Variants in MC2R observed in about 807,000 individuals in gnomAD.
The protein encoded by MC2R is melanocortin 2 receptor.
MC2R carries 9 observed loss-of-function variants against 9.8 expected under a neutral mutation model. The observed-to-expected ratio is 0.92, with a 90% CI of 0.55 to 1.60. MC2R has a LOEUF of 1.60. Among genes scored for constraint, MC2R ranks in the 40% most tolerant of loss-of-function variants. MC2R has a pLI of 0.00. For synonymous variants in MC2R, 185 were observed against 154.7 expected, an observed-to-expected ratio of 1.20 and a Z score of -1.45; for missense variants, 370 against 389.0, an observed-to-expected ratio of 0.95 and a Z score of 0.41.
At position 13,884,586 on chromosome 18, in the gene MC2R, C is replaced by T. The variant is rs369719365; in HGVS notation, c.*39G>A. On this transcript the variant is annotated 3_prime_UTR_variant, in exon 2 of 2. Transcript: ENST00000327606. ...GTTACACTATTCTGGCACTTGGCAACGTTATTCCCATGGATTCTAAAACCA... is the reference window on the plus strand; with the variant it reads ...GTTACACTATTCTGGCACTTGGCAATGTTATTCCCATGGATTCTAAAACCA... The T allele has an allele frequency of 1.1e-5, 17 of 1,604,178 alleles. No individual in the cohort carries two copies. The highest frequency in any genetic ancestry group is 6.7e-5 in the African/African-American group (5 of 74,782).
At chr18:13,900,630 A>T (rs2045373323) in intron 1 of MC2R, among the ~76,000 whole-genome samples, 1 of 152,162 alleles carries the variant, frequency 6.6e-6, no homozygotes, top group Non-Finnish European at 1.5e-5. Context: ...AATAAATTTC[A>T]AGACAAAACT....
chr18:13,893,488 T>C (rs1041151903), intron 1 of MC2R, among the ~76,000 whole-genome samples: 1 of 152,330 alleles, frequency 6.6e-6, no homozygotes, highest in South Asian at 2.1e-4. Flanking sequence ...GCTCATCAGG[T>C]TGTGCTGCTA....
In MC2R at chr18:13,885,231, G is replaced by A; in HGVS notation, c.288C>T (p.Gly96=). 6.2e-7 allele frequency: 1 copy of A among 1,614,150 alleles called. No homozygotes were observed. The highest frequency in any genetic ancestry group is 8.5e-7 in the Non-Finnish European group (1 of 1,180,028). Residue 96 remains glycine, a synonymous_variant, in exon 2 of 2, where the codon GGC becomes GGT. Coordinates refer to ENST00000327606, the MANE Select transcript of MC2R (RefSeq NM_000529.2). Reference sequence around the variant, plus strand: ...TGTCATCGGCTGTGGTTTCAAAACTGCCACGTGGCTTGAGATAGCCCATGT... The same window carrying A: ...TGTCATCGGCTGTGGTTTCAAAACTACCACGTGGCTTGAGATAGCCCATGT... ...LRNMGYLKPR[G]SFETTADDII...
At chr18:13,913,038 A>G (rs1046601844) in intron 1 of MC2R, among the ~76,000 whole-genome samples, 1 of 152,186 alleles carries the variant, frequency 6.6e-6, no homozygotes, top group Non-Finnish European at 1.5e-5. Flanking sequence ...ACTGCTGCTT[A>G]CAGTATAATT....
At chr18:13,893,292 T>G (rs1304163291) in intron 1 of MC2R, among the ~76,000 whole-genome samples, 1 of 152,218 alleles carries the variant, frequency 6.6e-6, no homozygotes, top group Admixed American at 6.5e-5. Flanking sequence ...GCGAGATGGC[T>G]AATATGGAAG....
At chr18:13,906,826 T>G (rs1315458871) in intron 1 of MC2R, among the ~76,000 whole-genome samples, 1 of 152,026 alleles carries the variant, frequency 6.6e-6, no homozygotes, top group Admixed American at 6.5e-5. Flanking sequence ...ACCAAAGAAG[T>G]GAAAGATCTC....
intron 1 of MC2R, 140 bp downstream of exon 1, chr18:13,915,348 A>T (rs1373954637): frequency 2.0e-5 from 3 of 152,408 alleles, no homozygotes; most frequent in African/African-American, 7.2e-5. Flanking sequence ...TCCCTTAGGA[A>T]GGATGAAAGC....
In MC2R at chr18:13,882,235, G is replaced by T. The variant is rs762644100; in HGVS notation, c.*2390C>A. The T allele has an allele frequency of 7.2e-5, 11 of 152,208 alleles. No individual in the cohort carries two copies. Among genetic ancestry groups the T allele is most frequent in the Non-Finnish European group, 1.0e-4 (7 of 68,048 alleles). 9.4% of individuals were successfully genotyped at this position (152,208 alleles called of 1,614,324 possible). ...TCCTCATGGGAAAAGTCTGAAGCTT[G>T]TTGATCTTCCTCACACAAATATGTG... On this transcript the variant is annotated 3_prime_UTR_variant, in exon 2 of 2. Transcript: ENST00000327606.
At chr18:13,892,274 G>A (rs2045319533) in intron 1 of MC2R, among the ~76,000 whole-genome samples, 1 of 152,206 alleles carries the variant, frequency 6.6e-6, no homozygotes, top group African/African-American at 2.4e-5. Flanking sequence ...CCTCTGAAAG[G>A]GGAAGAGTTA....
At chr18:13,885,973 A>G (rs2045273886) in intron 1 of MC2R, among the ~76,000 whole-genome samples, 1 of 152,154 alleles carries the variant, frequency 6.6e-6, no homozygotes, top group Admixed American at 6.5e-5. Flanking sequence ...GAAATAACTC[A>G]GAAAGAGGAA....
chr18:13,896,027 G>T (rs762021208), intron 1 of MC2R, among the ~76,000 whole-genome samples: 5 of 152,016 alleles, frequency 3.3e-5, no homozygotes, highest in Admixed American at 6.6e-5. Context: ...TATTTAATTC[G>T]AATATTAAGA....
chr18:13,907,548 T>C (rs1476132849), intron 1 of MC2R, among the ~76,000 whole-genome samples: 1 of 152,170 alleles, frequency 6.6e-6, no homozygotes, highest in African/African-American at 2.4e-5. Flanking sequence ...AGAAAGCTTC[T>C]GCACAGCAAG....
chr18:13,890,763 C>T (rs917312255), intron 1 of MC2R, among the ~76,000 whole-genome samples: 11 of 152,182 alleles, frequency 7.2e-5, no homozygotes, highest in South Asian at 2.1e-4. Context: ...CTTTATCCAA[C>T]GGTCCCATCG....
chr18:13,902,483 T>A (rs1438437627), intron 1 of MC2R, among the ~76,000 whole-genome samples: 1 of 152,070 alleles, frequency 6.6e-6, no homozygotes, highest in African/African-American at 2.4e-5. Flanking sequence ...GGTACTGGTA[T>A]AAAAACAGAC....
intron 1 of MC2R, among the ~76,000 whole-genome samples, chr18:13,888,447 G>C (rs7228339): frequency 0.56 from 85,547 of 152,012 alleles, 25,711 homozygotes; most frequent in African/African-American, 0.79. Flanking sequence ...TAATTCTCCA[G>C]ATGCATTCAC....
Position 13,893,589 on chromosome 18 carries a change from C to T in MC2R, c.-128-7943G>A, listed in dbSNP as rs141234560. ...TATTAATCACCAAGCTTTCACTTCCCTCTTGAGGTAATGGAGATCTCAGCC... is the reference window on the plus strand; with the variant it reads ...TATTAATCACCAAGCTTTCACTTCCTTCTTGAGGTAATGGAGATCTCAGCC... On this transcript the variant is annotated intron_variant, in intron 1 of 1. Transcript: ENST00000327606. Among the ~76,000 whole-genome samples, 389 of 152,288 alleles carry T rather than the reference C, an allele frequency of 2.6e-3. 1 individual carries two copies. Among genetic ancestry groups the T allele is most frequent in the African/African-American group, 9.0e-3 (376 of 41,564 alleles).
intron 1 of MC2R, among the ~76,000 whole-genome samples, chr18:13,892,178 CA>C (rs1258518935): frequency 1.3e-5 from 2 of 152,182 alleles, no homozygotes; most frequent in Non-Finnish European, 2.9e-5. Flanking sequence ...GCTGATGGTT[CA>C]GAGCCCCTGT....
intron 1 of MC2R, among the ~76,000 whole-genome samples, chr18:13,904,490 A>C (rs1375632745): frequency 1.3e-5 from 2 of 152,166 alleles, no homozygotes; most frequent in Non-Finnish European, 2.9e-5. Context: ...ATCTAGAACA[A>C]GACAACGATG....
intron 1 of MC2R, among the ~76,000 whole-genome samples, chr18:13,914,973 G>T (rs1045126740): frequency 6.6e-6 from 1 of 152,264 alleles, no homozygotes; most frequent in African/African-American, 2.4e-5. Context: ...GGCACAGAAA[G>T]TGTGCGTGCA....
Sources: allele counts gnomAD v4.1 joint callset (sites outside exome capture counted in the v4.1 genomes callset), GRCh38; gene constraint gnomAD v4.1.1; transcripts MANE v1.5; gene names NCBI Gene and HGNC (gene_info 2026-07-23, HGNC 2026-07-21).